Variants in HS3ST5 observed in about 807,000 individuals in gnomAD.
HS3ST5 encodes heparan sulfate-glucosamine 3-sulfotransferase 5, also known as heparan sulfate glucosamine 3-O-sulfotransferase 5.
HS3ST5 carries 10 observed loss-of-function variants against 25.4 expected under a neutral mutation model. The observed-to-expected ratio is 0.39, with a 90% confidence interval of 0.24 to 0.67. The LOEUF is 0.67. Ranked by LOEUF, HS3ST5 falls within the 30% of genes least tolerant of loss-of-function variation. The probability of loss-of-function intolerance (pLI) is 0.44; values close to 1 mark genes in which losing one functional copy is unlikely to be tolerated. For synonymous variants in HS3ST5, 170 were observed against 162.4 expected, an observed-to-expected ratio of 1.05 and a Z score of -0.36; for missense variants, 324 against 420.7, an observed-to-expected ratio of 0.77 and a Z score of 2.01.
intron 3 of HS3ST5, among the ~76,000 whole-genome samples, chr6:114,134,337 G>A (rs984120420): frequency 3.3e-5 from 5 of 152,154 alleles, no homozygotes; most frequent in African/African-American, 2.4e-5. Flanking sequence ...TTTGCCCAAG[G>A]TTGCACTGCT....
chr6:114,236,775 C>T (rs1412130530), intron 1 of HS3ST5, among the ~76,000 whole-genome samples: 2 of 152,188 alleles, frequency 1.3e-5, no homozygotes, highest in Non-Finnish European at 2.9e-5. Flanking sequence ...ACTTTTCCAT[C>T]TCTCCACAAG....
chr6:114,235,050 G>C (rs930593173), intron 1 of HS3ST5, among the ~76,000 whole-genome samples: 1 of 152,074 alleles, frequency 6.6e-6, no homozygotes, highest in African/African-American at 2.4e-5. Flanking sequence ...TTGAACCTGG[G>C]AGACGGAGGT....
intron 2 of HS3ST5, among the ~76,000 whole-genome samples, chr6:114,172,751 A>C (rs1447182168): frequency 6.6e-6 from 1 of 152,180 alleles, no homozygotes; most frequent in Non-Finnish European, 1.5e-5. Context: ...AGTGTTCCTA[A>C]TAGATAAGGG....
chr6:114,078,138 C>T lies in HS3ST5; in HGVS notation c.-32-15261G>A, dbSNP rs181250305. Among the ~76,000 whole-genome samples, 67 of 152,260 alleles carry T rather than the reference C, an allele frequency of 4.4e-4. 1 individual carries two copies. The highest frequency in any genetic ancestry group is 1.6e-3 in the African/African-American group (66 of 41,548). On this transcript the variant is annotated intron_variant, in intron 3 of 4. Coordinates refer to ENST00000312719, the MANE Select transcript of HS3ST5 (RefSeq NM_153612.4). ...TTTAGCAAATTCGTGTAAGTATAAC[C>T]TCCTGAAAACTTTAGAGACAGATAA...
intron 3 of HS3ST5, among the ~76,000 whole-genome samples, chr6:114,131,634 C>T (rs1208100816): frequency 6.6e-6 from 1 of 152,132 alleles, no homozygotes; most frequent in African/African-American, 2.4e-5. Context: ...TTTCAGGAAA[C>T]TGAATTTTGA....
At chr6:114,155,631 AC>A (rs972339187) in intron 3 of HS3ST5, among the ~76,000 whole-genome samples, 1 of 152,176 alleles carries the variant, frequency 6.6e-6, no homozygotes, top group Non-Finnish European at 1.5e-5. Context: ...AAGCAACAAA[AC>A]CACTCTGTGA....
intron 1 of HS3ST5, among the ~76,000 whole-genome samples, chr6:114,337,495 G>C (rs923622819): frequency 1.3e-5 from 2 of 152,144 alleles, no homozygotes; most frequent in Non-Finnish European, 2.9e-5. Flanking sequence ...CAGATTCTCT[G>C]AGCTATTAAA....
At chr6:114,100,768 GA>G (rs1456911665) in intron 3 of HS3ST5, among the ~76,000 whole-genome samples, 1 of 152,150 alleles carries the variant, frequency 6.6e-6, no homozygotes, top group Non-Finnish European at 1.5e-5. Flanking sequence ...TCAATGGAAA[GA>G]AGAAATATTT....
chr6:114,082,383 T>G lies in HS3ST5; in HGVS notation c.-32-19506A>C, dbSNP rs993171564. Among the ~76,000 whole-genome samples the G allele has an allele frequency of 2.2e-4, 34 of 152,352 alleles. 1 individual carries two copies. Among genetic ancestry groups the G allele is most frequent in the African/African-American group, 7.7e-4 (32 of 41,584 alleles). ...TTAATCTGACTTTCTTTTTCTTAACTGGATTTTAAGTCATTTAGTGTTCAG... is the reference window on the plus strand; with the variant it reads ...TTAATCTGACTTTCTTTTTCTTAACGGGATTTTAAGTCATTTAGTGTTCAG... On this transcript the variant is annotated intron_variant, in intron 3 of 4. Transcript: ENST00000312719.
chr6:114,331,047 T>C (rs1019596840), intron 1 of HS3ST5, among the ~76,000 whole-genome samples: 1 of 152,246 alleles, frequency 6.6e-6, no homozygotes, highest in African/African-American at 2.4e-5. Context: ...TAAGACTTGT[T>C]CAGCTTTCCA....
intron 2 of HS3ST5, among the ~76,000 whole-genome samples, chr6:114,181,606 T>A (rs1314842624): frequency 6.6e-6 from 1 of 152,254 alleles, no homozygotes; most frequent in African/African-American, 2.4e-5. Context: ...TTACATGCTC[T>A]TGTTAGTAAC....
intron 3 of HS3ST5, among the ~76,000 whole-genome samples, chr6:114,135,972 C>A (rs934188635): frequency 1.3e-5 from 2 of 152,210 alleles, no homozygotes; most frequent in Non-Finnish European, 2.9e-5. Context: ...GAATCCCATA[C>A]CAGGAAGGCA....
At chr6:114,098,213 A>G (rs895879823) in intron 3 of HS3ST5, among the ~76,000 whole-genome samples, 3 of 151,972 alleles carry the variant, frequency 2.0e-5, no homozygotes, top group African/African-American at 7.2e-5. Context: ...TGGCTGTGAC[A>G]ATTCTCTTCC....
chr6:114,197,132 T>C lies in HS3ST5; in HGVS notation c.-144-28670A>G, dbSNP rs531006739. Among the ~76,000 whole-genome samples the C allele has an allele frequency of 1.5e-3, 233 of 151,352 alleles. 1 individual carries two copies. Among genetic ancestry groups the C allele is most frequent in the African/African-American group, 4.0e-3 (167 of 41,350 alleles). ...GTGTTTTTTCTTTCTTTCTTTCTTT[T>C]TTTTTTTTTGTTGTTTTTAATGAGT... On this transcript the variant is annotated intron_variant, in intron 2 of 4. Coordinates refer to ENST00000312719, the MANE Select transcript of HS3ST5 (RefSeq NM_153612.4).
chr6:114,321,335 C>T (rs986754032), intron 1 of HS3ST5, among the ~76,000 whole-genome samples: 2 of 152,040 alleles, frequency 1.3e-5, no homozygotes, highest in African/African-American at 4.8e-5. Flanking sequence ...TCCTCTTTCC[C>T]TTTTAATTTT....
intron 2 of HS3ST5, among the ~76,000 whole-genome samples, chr6:114,217,419 A>G (rs1781822343): frequency 6.6e-6 from 1 of 152,204 alleles, no homozygotes; most frequent in Non-Finnish European, 1.5e-5. Context: ...TGTATATACT[A>G]TTCATATATA....
chr6:114,243,956 G>T (rs954579938), intron 1 of HS3ST5, among the ~76,000 whole-genome samples: 8 of 152,210 alleles, frequency 5.3e-5, no homozygotes, highest in Non-Finnish European at 1.2e-4. Flanking sequence ...GAATGCGATA[G>T]AAGTGGAATT....
At chr6:114,169,558 A>G (rs1779375983) in intron 2 of HS3ST5, among the ~76,000 whole-genome samples, 1 of 152,200 alleles carries the variant, frequency 6.6e-6, no homozygotes, top group South Asian at 2.1e-4. Context: ...CATATCAGTC[A>G]TGCCCAGAAA....
At chr6:114,095,234 T>C (rs1220948002) in intron 3 of HS3ST5, among the ~76,000 whole-genome samples, 1 of 152,222 alleles carries the variant, frequency 6.6e-6, no homozygotes, top group Non-Finnish European at 1.5e-5. Flanking sequence ...TGATTAGTGC[T>C]TCCATCTTCC....
Sources: allele counts gnomAD v4.1 joint callset (sites outside exome capture counted in the v4.1 genomes callset), GRCh38; gene constraint gnomAD v4.1.1; transcripts MANE v1.5; gene names NCBI Gene and HGNC (gene_info 2026-07-23, HGNC 2026-07-21).